Variants in DPP10 observed in about 807,000 individuals in gnomAD.
The protein encoded by DPP10 is dipeptidyl peptidase like 10.
In DPP10, 33 loss-of-function variants were observed where a neutral mutation model predicts 120.9. That is an observed-to-expected ratio of 0.27 (90% confidence interval 0.21 to 0.37). The LOEUF is 0.37. Among genes scored for constraint, DPP10 ranks in the 10% least tolerant of loss-of-function variants. The probability of loss-of-function intolerance (pLI) is 1.00; values close to 1 mark genes in which losing one functional copy is unlikely to be tolerated. For missense variants in DPP10, 816 were observed against 942.8 expected, an observed-to-expected ratio of 0.87 and a Z score of 1.76; for synonymous variants, 337 against 326.1, an observed-to-expected ratio of 1.03 and a Z score of -0.36.
intron 1 of DPP10, among the ~76,000 whole-genome samples, chr2:115,119,190 C>T (rs1343843619): frequency 6.6e-6 from 1 of 152,120 alleles, no homozygotes; most frequent in Non-Finnish European, 1.5e-5. Context: ...TGAAGTTGTG[C>T]AGGTGCTCAT....
At chr2:115,471,560 G>A (rs991289383) in intron 3 of DPP10, among the ~76,000 whole-genome samples, 8 of 148,502 alleles carry the variant, frequency 5.4e-5, no homozygotes, top group African/African-American at 2.0e-4. Context: ...AATGGACCAG[G>A]ATTCTTCTTT....
intron 1 of DPP10, among the ~76,000 whole-genome samples, chr2:114,892,194 A>G (rs1020930295): frequency 6.6e-6 from 1 of 152,206 alleles, no homozygotes; most frequent in Admixed American, 6.5e-5. Flanking sequence ...TTTGTTAAGT[A>G]CTATAGACTA....
At chr2:115,044,731 C>T (rs1704931499) in intron 1 of DPP10, among the ~76,000 whole-genome samples, 1 of 152,124 alleles carries the variant, frequency 6.6e-6, no homozygotes, top group Admixed American at 6.6e-5. Context: ...TATTTAGGTA[C>T]TCGTTAACCA....
intron 13 of DPP10, among the ~76,000 whole-genome samples, chr2:115,768,850 C>G (rs1055148005): frequency 3.3e-5 from 5 of 151,770 alleles, no homozygotes; most frequent in African/African-American, 1.2e-4. Context: ...TGGCACATCC[C>G]CACAAGCAAA....
At chr2:115,676,966 A>G (rs1434734964) in intron 5 of DPP10, among the ~76,000 whole-genome samples, 1 of 152,220 alleles carries the variant, frequency 6.6e-6, no homozygotes, top group Non-Finnish European at 1.5e-5. Flanking sequence ...GGAAATGTCA[A>G]TCAGAGAAAC....
At chr2:114,905,513 G>T (rs1382778040) in intron 1 of DPP10, among the ~76,000 whole-genome samples, 1 of 151,982 alleles carries the variant, frequency 6.6e-6, no homozygotes, top group African/African-American at 2.4e-5. Context: ...GATTACAGAT[G>T]CAGGTTTGTT....
intron 1 of DPP10, among the ~76,000 whole-genome samples, chr2:114,918,140 G>A (rs930822316): frequency 1.3e-5 from 2 of 152,046 alleles, no homozygotes; most frequent in African/African-American, 4.8e-5. Flanking sequence ...AAGGGCAAAG[G>A]ACATGAATAG....
At chr2:115,757,159 A>G (rs1338610736) in intron 11 of DPP10, among the ~76,000 whole-genome samples, 3 of 152,032 alleles carry the variant, frequency 2.0e-5, no homozygotes, top group Non-Finnish European at 2.9e-5. Flanking sequence ...TTAGAAAGTG[A>G]AGAAGAAAGA....
At chr2:114,988,408 G>A (rs533170709) in intron 1 of DPP10, among the ~76,000 whole-genome samples, 3 of 152,296 alleles carry the variant, frequency 2.0e-5, no homozygotes, top group Admixed American at 1.3e-4. Flanking sequence ...TGAGAAGGAG[G>A]AGATGGCAAA....
rs141886329 is a variant in DPP10 at position 114,547,773 on chromosome 2, G to A, written c.60+104935G>A. On this transcript the variant is annotated intron_variant, in intron 1 of 25. Coordinates refer to ENST00000410059, the MANE Select transcript of DPP10 (RefSeq NM_020868.6). Reference sequence around the variant, plus strand: ...AGTAGTATACCTTTACCAGCACAGGGCAGAATGGCTGTAAGAACTTCAAGG... The same window carrying A: ...AGTAGTATACCTTTACCAGCACAGGACAGAATGGCTGTAAGAACTTCAAGG... 3.8e-3 allele frequency among the ~76,000 whole-genome samples: 577 copies of A among 152,302 alleles called. 3 individuals carry two copies. The highest frequency in any genetic ancestry group is 0.013 in the African/African-American group (537 of 41,572).
chr2:114,524,829 C>T (rs557186438), intron 1 of DPP10, among the ~76,000 whole-genome samples: 2 of 152,166 alleles, frequency 1.3e-5, no homozygotes, highest in African/African-American at 2.4e-5. Flanking sequence ...TTGTTTGTTT[C>T]TCAGTTTGCC....
At chr2:115,485,909 T>C (rs10496496) in intron 3 of DPP10, among the ~76,000 whole-genome samples, 42,389 of 152,020 alleles carry the variant, frequency 0.28, 6,648 homozygotes, top group East Asian at 0.41. Flanking sequence ...CTGAGAGTGT[T>C]AAGCTTTTGA....
chr2:115,346,157 A>G (rs929831672), intron 3 of DPP10, among the ~76,000 whole-genome samples: 3 of 152,190 alleles, frequency 2.0e-5, no homozygotes, highest in Non-Finnish European at 4.4e-5. Flanking sequence ...AGTGCTAGAT[A>G]CTTGGCCTAT....
chr2:114,492,009 C>G (rs1682048164), intron 1 of DPP10, among the ~76,000 whole-genome samples: 1 of 152,036 alleles, frequency 6.6e-6, no homozygotes, highest in African/African-American at 2.4e-5. Flanking sequence ...TAAGCTTTTA[C>G]TCAAGAATTA....
At chr2:115,429,434 G>A (rs2070771803) in intron 3 of DPP10, among the ~76,000 whole-genome samples, 2 of 152,042 alleles carry the variant, frequency 1.3e-5, no homozygotes, top group Admixed American at 1.3e-4. Context: ...AAACAGAGTG[G>A]TAATGAGGTT....
At chr2:114,682,122 C>A (rs114598267) in intron 1 of DPP10, among the ~76,000 whole-genome samples, 1 of 151,906 alleles carries the variant, frequency 6.6e-6, no homozygotes, top group Non-Finnish European at 1.5e-5. Context: ...TTCCTAGACC[C>A]GGCAACATGA....
chr2:114,893,687 C>G (rs993110601), intron 1 of DPP10, among the ~76,000 whole-genome samples: 1 of 152,110 alleles, frequency 6.6e-6, no homozygotes. Context: ...TAGAAATAAC[C>G]ATGACCTGCT....
At chr2:115,350,619 G>A (rs1357545890) in intron 3 of DPP10, among the ~76,000 whole-genome samples, 3 of 152,106 alleles carry the variant, frequency 2.0e-5, no homozygotes, top group Admixed American at 6.6e-5. Context: ...AGAGAGGAGC[G>A]TGAGGTTACT....
intron 1 of DPP10, among the ~76,000 whole-genome samples, chr2:114,694,408 C>A (rs116587802): frequency 6.6e-6 from 1 of 151,670 alleles, no homozygotes; most frequent in Non-Finnish European, 1.5e-5. Context: ...GATTTATAAT[C>A]GAAACATAGT....
Sources: allele counts gnomAD v4.1 joint callset (sites outside exome capture counted in the v4.1 genomes callset), GRCh38; gene constraint gnomAD v4.1.1; transcripts MANE v1.5; gene names NCBI Gene and HGNC (gene_info 2026-07-23, HGNC 2026-07-21).